Variants in CXCL13 observed in about 807,000 individuals in gnomAD.
CXCL13 encodes C-X-C motif chemokine ligand 13.
A neutral mutation model predicts 12.2 loss-of-function variants in CXCL13; 7 were observed. That is an observed-to-expected ratio of 0.57 (90% CI 0.33 to 1.07). CXCL13 has a LOEUF of 1.07. Among genes scored for constraint, CXCL13 ranks in the 50% least tolerant of loss-of-function variants. The pLI is 0.04. For synonymous variants in CXCL13, 47 were observed against 42.4 expected, an observed-to-expected ratio of 1.11 and a Z score of -0.42; for missense variants, 113 against 127.4, an observed-to-expected ratio of 0.89 and a Z score of 0.55.
intron 1 of CXCL13, among the ~76,000 whole-genome samples, chr4:77,582,984 G>A (rs1176453661): frequency 6.6e-6 from 1 of 152,194 alleles, no homozygotes; most frequent in East Asian, 1.9e-4. Context: ...GGTCATGGCT[G>A]AAGATGCCAT....
intron 1 of CXCL13, among the ~76,000 whole-genome samples, chr4:77,515,489 G>C (rs1479824708): frequency 1.3e-5 from 2 of 152,158 alleles, no homozygotes; most frequent in African/African-American, 4.8e-5. Context: ...TCATTGAGCA[G>C]TGGTTTGTAG....
At chr4:77,512,791 T>G (rs1398504025) in intron 1 of CXCL13, among the ~76,000 whole-genome samples, 1 of 152,166 alleles carries the variant, frequency 6.6e-6, no homozygotes, top group African/African-American at 2.4e-5. Flanking sequence ...TTATTGTTAT[T>G]ATTATACTTT....
intron 1 of CXCL13, among the ~76,000 whole-genome samples, chr4:77,596,785 C>CA (rs1024280441): frequency 0.16 from 10,342 of 63,890 alleles, 512 homozygotes; most frequent in Middle Eastern, 0.25. Context: ...GACTCTGTCT[C>CA]AAAAAAAAAA....
intron 1 of CXCL13, among the ~76,000 whole-genome samples, chr4:77,537,691 G>T (rs1358640169): frequency 6.6e-5 from 10 of 152,108 alleles, no homozygotes; most frequent in Non-Finnish European, 1.2e-4. Flanking sequence ...CCATGTCCCA[G>T]CATCCATTTG....
intron 1 of CXCL13, among the ~76,000 whole-genome samples, chr4:77,532,507 T>A (rs1289421344): frequency 6.6e-6 from 1 of 152,200 alleles, no homozygotes; most frequent in African/African-American, 2.4e-5. Context: ...CTTTGGTGAA[T>A]CTGACAATTC....
chr4:77,592,932 T>C (rs1726651014), intron 1 of CXCL13, among the ~76,000 whole-genome samples: 1 of 152,232 alleles, frequency 6.6e-6, no homozygotes, highest in Non-Finnish European at 1.5e-5. Context: ...GGCAGCTAAA[T>C]GTGCATTATG....
At chr4:77,591,843 T>G (rs1420892950) in intron 1 of CXCL13, among the ~76,000 whole-genome samples, 1 of 152,216 alleles carries the variant, frequency 6.6e-6, no homozygotes, top group African/African-American at 2.4e-5. Context: ...TAACATCCAC[T>G]GAATGACAGA....
At chr4:77,606,179 A>G (rs1204069286) in intron 1 of CXCL13, among the ~76,000 whole-genome samples, 1 of 152,216 alleles carries the variant, frequency 6.6e-6, no homozygotes, top group East Asian at 1.9e-4. Flanking sequence ...TGAATTATAT[A>G]TTCCCAGCCT....
At chr4:77,523,028 A>C (rs1467652670) in intron 1 of CXCL13, among the ~76,000 whole-genome samples, 1 of 152,196 alleles carries the variant, frequency 6.6e-6, no homozygotes, top group Non-Finnish European at 1.5e-5. Flanking sequence ...AGAATGTTGA[A>C]TATTGGCCCC....
In CXCL13 at chr4:77,611,400, G is replaced by A. The variant is rs1727150657; in HGVS notation, c.*361G>A. 1 of 368,170 alleles carries A rather than the reference G, an allele frequency of 2.7e-6. No individual in the cohort carries two copies. Among genetic ancestry groups the A allele is most frequent in the Non-Finnish European group, 4.8e-6 (1 of 208,736 alleles). The allele number at this position is 368,170 out of a possible 1,614,324, so 22.8% of individuals were successfully genotyped here. The stretch of plus-strand genomic sequence containing the variant: ...AGCCTCAAATTTGAACATGTGGCTT[G>A]AATTAAGAAGAAAATTATGGCATAT... On this transcript the variant is annotated 3_prime_UTR_variant, in exon 4 of 4. Coordinates refer to ENST00000682537, the MANE Select transcript of CXCL13 (RefSeq NM_001371558.1).
chr4:77,527,683 G>A (rs932936578), intron 1 of CXCL13, among the ~76,000 whole-genome samples: 4 of 151,860 alleles, frequency 2.6e-5, no homozygotes, highest in Non-Finnish European at 5.9e-5. Context: ...TTGAATGAAT[G>A]ACATTCAAGT....
chr4:77,590,049 T>C (rs920666), intron 1 of CXCL13, among the ~76,000 whole-genome samples: 46,262 of 152,080 alleles, frequency 0.3, 7,798 homozygotes, highest in Middle Eastern at 0.47. Context: ...AGCCTATTGA[T>C]CATTTTTATT....
chr4:77,546,594 T>A (rs938816624), intron 1 of CXCL13, among the ~76,000 whole-genome samples: 1 of 152,184 alleles, frequency 6.6e-6, no homozygotes, highest in East Asian at 1.9e-4. Context: ...AGTGGTGATA[T>A]CCCCTTTATC....
At chr4:77,575,417 G>A (rs1340616305) in intron 1 of CXCL13, among the ~76,000 whole-genome samples, 2 of 151,720 alleles carry the variant, frequency 1.3e-5, no homozygotes, top group East Asian at 1.9e-4. Flanking sequence ...ATTTACATTA[G>A]GTAGTTCTCC....
At chr4:77,553,644 T>C (rs1397020181) in intron 1 of CXCL13, among the ~76,000 whole-genome samples, 1 of 152,166 alleles carries the variant, frequency 6.6e-6, no homozygotes, top group African/African-American at 2.4e-5. Context: ...TCACAGGGGC[T>C]GTTTGCCCAC....
intron 1 of CXCL13, among the ~76,000 whole-genome samples, chr4:77,564,480 C>T (rs975244465): frequency 2.0e-5 from 3 of 152,184 alleles, no homozygotes; most frequent in Non-Finnish European, 1.5e-5. Flanking sequence ...GGCAAACAAA[C>T]AGATTCTGTT....
intron 1 of CXCL13, among the ~76,000 whole-genome samples, chr4:77,525,893 G>T (rs571825164): frequency 6.7e-6 from 1 of 149,718 alleles, no homozygotes; most frequent in East Asian, 1.9e-4. Context: ...TTTAGGCAAA[G>T]GTAGGCTTTT....
chr4:77,602,487 C>T (rs41530748), upstream of CXCL13, among the ~76,000 whole-genome samples: 5,387 of 152,250 alleles, frequency 0.035, 298 homozygotes, highest in African/African-American at 0.12. Flanking sequence ...CTGAGAATCT[C>T]GTTGAATGCA....
intron 1 of CXCL13, among the ~76,000 whole-genome samples, chr4:77,562,359 C>T (rs1369570376): frequency 2.0e-5 from 3 of 152,052 alleles, no homozygotes; most frequent in Non-Finnish European, 4.4e-5. Context: ...GGAAGCTCCA[C>T]CTGCACCGGG....
Sources: allele counts gnomAD v4.1 joint callset (sites outside exome capture counted in the v4.1 genomes callset), GRCh38; gene constraint gnomAD v4.1.1; transcripts MANE v1.5; gene names NCBI Gene and HGNC (gene_info 2026-07-23, HGNC 2026-07-21).